The following PRKCB variants were observed in gnomAD, a reference collection of about 807,000 sequenced individuals.
PRKCB encodes the protein protein kinase C beta.
PRKCB carries 13 observed loss-of-function variants against 81.5 expected under a neutral mutation model. That is an observed-to-expected ratio of 0.16 (90% CI 0.10 to 0.25). The LOEUF (loss-of-function observed/expected upper bound fraction) is 0.25, where lower values mean the gene tolerates loss of function less well. Ranked by LOEUF, PRKCB falls within the 10% of genes least tolerant of loss-of-function variation. PRKCB has a pLI of 1.00. For synonymous variants in PRKCB, 335 were observed against 321.4 expected, an observed-to-expected ratio of 1.04 and a Z score of -0.45; for missense variants, 509 against 875.7, an observed-to-expected ratio of 0.58 and a Z score of 5.29.
At position 24,119,344 on chromosome 16, in the gene PRKCB, A is replaced by AC. The variant is rs1008951827; in HGVS notation, c.919-4484dup. Among the ~76,000 whole-genome samples the AC allele has an allele frequency of 2.8e-4, 43 of 151,730 alleles. 1 individual carries two copies. Among genetic ancestry groups the AC allele is most frequent in the Admixed American group, 1.8e-3 (27 of 15,218 alleles). On this transcript the variant is annotated intron_variant, in intron 8 of 16. Coordinates refer to ENST00000643927, the MANE Select transcript of PRKCB (RefSeq NM_002738.7). ...AAGGAAAAAATCAACCCCTCTTCCC[A>AC]CCCCCCCAAAAAAGTCCTTATCTGT...
chr16:24,005,920 C>T (rs1430157953), intron 3 of PRKCB, among the ~76,000 whole-genome samples: 1 of 152,232 alleles, frequency 6.6e-6, no homozygotes, highest in Non-Finnish European at 1.5e-5. Context: ...AAATAATGCT[C>T]CTTCCAGGGA....
At chr16:23,954,155 A>C (rs1964320530) in intron 2 of PRKCB, among the ~76,000 whole-genome samples, 2 of 151,896 alleles carry the variant, frequency 1.3e-5, no homozygotes, top group African/African-American at 4.8e-5. Flanking sequence ...CATCATGTTG[A>C]CCAGGCTGGT....
rs1052641331 is a variant in PRKCB at position 24,218,066 on chromosome 16, C to T, written c.*3250C>T. 1.0e-6 allele frequency: 1 copy of T among 984,994 alleles called. No individual in the cohort carries two copies. Among genetic ancestry groups the T allele is most frequent in the Non-Finnish European group, 1.2e-6 (1 of 829,604 alleles). The allele number at this position is 984,994 out of a possible 1,614,324, so 61.0% of individuals were successfully genotyped here. A position where few individuals can be genotyped will look rare whatever the true frequency, so the allele number is the denominator to read the frequency against. On this transcript the variant is annotated 3_prime_UTR_variant, in exon 17 of 17. Transcript: ENST00000643927. Reference sequence around the variant, plus strand: ...TACAAACAACCTACTGTGTGCCAGGCACTATTCTTAGCACTGGAAATACAC... The same window carrying T: ...TACAAACAACCTACTGTGTGCCAGGTACTATTCTTAGCACTGGAAATACAC...
rs539838175 is a variant in PRKCB at position 24,123,924 on chromosome 16, G to A, written c.1008G>A (p.Arg336=). 1 of 1,614,084 alleles carries A rather than the reference G, an allele frequency of 6.2e-7. No individual in the cohort carries two copies. Among genetic ancestry groups the A allele is most frequent in the Non-Finnish European group, 8.5e-7 (1 of 1,180,022 alleles). The change falls in exon 9 of 17, where the codon CGG becomes CGA. Residue 336 remains arginine (R), a synonymous_variant. Transcript: ENST00000643927. Reference sequence around the variant, plus strand: ...TTGACAACAATGGCAACAGAGACCGGATGAAACTGACCGATTTTAACTTCC... The same window carrying A: ...TTGACAACAATGGCAACAGAGACCGAATGAAACTGACCGATTTTAACTTCC... The part of the protein sequence containing the change: ...SKFDNNGNRD[R]MKLTDFNFLM...
chr16:23,980,941 G>A (rs942074381), intron 2 of PRKCB, among the ~76,000 whole-genome samples: 2 of 151,864 alleles, frequency 1.3e-5, no homozygotes, highest in African/African-American at 4.8e-5. Flanking sequence ...CTTTTCCTGG[G>A]GCAGAAACAT....
At chr16:24,097,333 G>A (rs976545222) in intron 7 of PRKCB, among the ~76,000 whole-genome samples, 1 of 152,136 alleles carries the variant, frequency 6.6e-6, no homozygotes, top group African/African-American at 2.4e-5. Flanking sequence ...TCCGTGCCCA[G>A]CCTATCTTAG....
chr16:23,844,873 T>G (rs1440625884), intron 2 of PRKCB, among the ~76,000 whole-genome samples: 1 of 145,358 alleles, frequency 6.9e-6, no homozygotes, highest in Non-Finnish European at 1.5e-5. Flanking sequence ...ACGATCTTGG[T>G]TCACTGTAAC....
intron 2 of PRKCB, among the ~76,000 whole-genome samples, chr16:23,879,457 CTTT>C (rs1963069534): frequency 7.4e-6 from 1 of 134,274 alleles, no homozygotes; most frequent in Non-Finnish European, 1.6e-5. Context: ...GGGAATAAAC[CTTT>C]GTTGTTGGTC....
At chr16:24,085,832 T>A (rs1218400286) in intron 5 of PRKCB, among the ~76,000 whole-genome samples, 2 of 152,230 alleles carry the variant, frequency 1.3e-5, no homozygotes, top group East Asian at 1.9e-4. Context: ...ATTGTTTCAC[T>A]AGCTGTGGCT....
intron 15 of PRKCB, 118 bp from the exon 16 acceptor site, chr16:24,190,972 T>A: frequency 7.7e-7 from 1 of 1,291,708 alleles, no homozygotes; most frequent in South Asian, 1.6e-5. Context: ...AAAACAAAAA[T>A]GAGTTGAGAT....
At chr16:23,959,172 A>AC (rs748532954) in intron 2 of PRKCB, among the ~76,000 whole-genome samples, 2 of 152,016 alleles carry the variant, frequency 1.3e-5, no homozygotes, top group South Asian at 4.2e-4. Context: ...TACATCCCTT[A>AC]CCCCCTGTGG....
chr16:24,196,963 AC>A (rs1389641535), intron 16 of PRKCB, among the ~76,000 whole-genome samples: 8 of 152,180 alleles, frequency 5.3e-5, no homozygotes, highest in Non-Finnish European at 1.2e-4. Flanking sequence ...TGGTTTGGGT[AC>A]TAAAGGGCAG....
rs1184517024 is a variant in PRKCB at position 23,978,262 on chromosome 16, A to T, written c.206-10246A>T. 2.0e-5 allele frequency among the ~76,000 whole-genome samples: 3 copies of T among 152,320 alleles called. No individual in the cohort carries two copies. In the East Asian group the frequency reaches 5.8e-4, roughly 29 times the overall value. On this transcript the variant is annotated intron_variant, in intron 2 of 16. Coordinates refer to ENST00000643927, the MANE Select transcript of PRKCB (RefSeq NM_002738.7). ...AGCTGAGTGTCCCTTGGAAGGGCAT[A>T]TGCCCCTCAGTTCAGCGCAGTCCCC...
chr16:24,200,383 A>T (rs961113760), intron 16 of PRKCB, among the ~76,000 whole-genome samples: 4 of 152,170 alleles, frequency 2.6e-5, no homozygotes, highest in African/African-American at 9.7e-5. Context: ...ACCTATCTAC[A>T]CACCCATGGA....
At chr16:23,935,375 C>T (rs1037736094) in intron 2 of PRKCB, among the ~76,000 whole-genome samples, 1 of 152,120 alleles carries the variant, frequency 6.6e-6, no homozygotes, top group Admixed American at 6.6e-5. Context: ...CTGATTAGAC[C>T]GTAGCCATTT....
At chr16:23,998,025 T>C (rs1242779593) in intron 3 of PRKCB, among the ~76,000 whole-genome samples, 1 of 152,210 alleles carries the variant, frequency 6.6e-6, no homozygotes, top group Non-Finnish European at 1.5e-5. Flanking sequence ...TTTGAATCAG[T>C]AGACTGAGTA....
chr16:24,203,933 T>C (rs1468195663), intron 16 of PRKCB, among the ~76,000 whole-genome samples: 2 of 152,150 alleles, frequency 1.3e-5, no homozygotes, highest in Non-Finnish European at 1.5e-5. Flanking sequence ...CCTGCCGTGA[T>C]GCACCAGGCT....
At chr16:23,896,868 TCATCCATCCATCCAACCATC>T (rs1963386143) in intron 2 of PRKCB, among the ~76,000 whole-genome samples, 1 of 149,138 alleles carries the variant, frequency 6.7e-6, no homozygotes, top group South Asian at 2.2e-4. Context: ...GGAAGGCTCT[TCATCCATCCATCCAACCATC>T]CATCCATCCA....
rs1567405693 is a variant in PRKCB, at chr16:24,185,501, C to T, written c.1656C>T (p.Ser552=). The T allele has an allele frequency of 1.2e-6, 2 of 1,614,138 alleles. No homozygotes were observed. Among genetic ancestry groups the T allele is most frequent in the Admixed American group, 1.7e-5 (1 of 60,030 alleles). Residue 552 remains serine, a synonymous_variant, in exon 15 of 17, where the codon TCC becomes TCT. Transcript: ENST00000643927. The part of the protein sequence containing the change: ...EGEDEDELFQ[S]IMEHNVAYPK... Reference sequence around the variant, plus strand: ...AGGATGAAGATGAACTCTTCCAATCCATCATGGAACACAACGTAGCCTATC... The same window carrying T: ...AGGATGAAGATGAACTCTTCCAATCTATCATGGAACACAACGTAGCCTATC...
Sources: allele counts gnomAD v4.1 joint callset (sites outside exome capture counted in the v4.1 genomes callset), GRCh38; gene constraint gnomAD v4.1.1; transcripts MANE v1.5; gene names NCBI Gene and HGNC (gene_info 2026-07-23, HGNC 2026-07-21).